The following LOXL3 variants were observed in gnomAD, a reference collection of about 807,000 sequenced individuals.
LOXL3 encodes lysyl oxidase like 3.
Under a neutral mutation model 91.8 loss-of-function variants are expected in LOXL3, and 60 were observed. The ratio of observed to expected loss-of-function variants is 0.65; its 90% CI spans 0.53 to 0.81. The LOEUF is 0.81. Ranked by LOEUF, LOXL3 falls within the 30% of genes least tolerant of loss-of-function variation. LOXL3 has a pLI of 0.00. For synonymous variants in LOXL3, 355 were observed against 387.6 expected, an observed-to-expected ratio of 0.92 and a Z score of 0.99; for missense variants, 874 against 1,000.4, an observed-to-expected ratio of 0.87 and a Z score of 1.70.
intron 4 of LOXL3, among the ~76,000 whole-genome samples, chr2:74,548,033 C>T (rs1018914603): frequency 4.6e-5 from 7 of 152,212 alleles, no homozygotes; most frequent in African/African-American, 1.7e-4. Flanking sequence ...GTGGAAGGAA[C>T]ATATTTTACA....
chr2:74,541,434 G>A (rs1023108142), intron 4 of LOXL3, among the ~76,000 whole-genome samples: 8 of 152,188 alleles, frequency 5.3e-5, no homozygotes, highest in African/African-American at 1.9e-4. Flanking sequence ...TCTTCCTGAG[G>A]ATGTACTTAG....
intron 4 of LOXL3, among the ~76,000 whole-genome samples, chr2:74,542,314 C>G (rs919062269): frequency 3.3e-5 from 5 of 152,040 alleles, no homozygotes; most frequent in African/African-American, 2.4e-5. Context: ...ATCAAACAAA[C>G]AAACAAACAA....
In LOXL3 at chr2:74,534,363, T is replaced by A; in HGVS notation, c.1892A>T (p.Glu631Val). The change falls in exon 11 of 14, where the codon GAG (glutamate) becomes GTG (valine). Residue 631 changes from glutamate (E) to valine (V), a missense_variant. Glu to Val is a moderately radical substitution (Grantham distance 121). Transcript: ENST00000264094. Reference sequence around the variant, plus strand: ...GAGACAGAAACTAGCTTTGTGGCCCTCAGCCACCTTGGTGCCATTTGGGGT... The same window carrying A: ...GAGACAGAAACTAGCTTTGTGGCCCACAGCCACCTTGGTGCCATTTGGGGT... ...ILTPNGTKVA[E>V]GHKASFCLED... 6.2e-7 allele frequency: 1 copy of A among 1,614,264 alleles called. No homozygotes were observed. The highest frequency in any genetic ancestry group is 8.5e-7 in the Non-Finnish European group (1 of 1,180,032).
upstream of LOXL3, chr2:74,554,866 G>A (rs1192503071): frequency 1.2e-6 from 2 of 1,607,968 alleles, no homozygotes; most frequent in East Asian, 2.2e-5. This position sits in a 1 kb window ranked among gnomAD's most constrained non-coding sequence, Gnocchi z 4.9. Flanking sequence ...GTGGGTGAGA[G>A]AGCCCAGAAA....
rs552654059 is a variant in LOXL3 at position 74,536,451 on chromosome 2, G to T, written c.933C>A (p.Gly311=). Residue 311 remains glycine, a synonymous_variant, in exon 6 of 14, where the codon GGC becomes GGA. Transcript: ENST00000264094. The surrounding 1 kb of genome is among the most constrained non-coding windows in gnomAD (Gnocchi z 4.5). The part of the protein sequence containing the change: ...PQGEARVRLK[G]GAHPGEGRVE... ...CCCGGCCCTCTCCAGGGTGGGCGCC[G>T]CCCTTTAGACGGACACGGGCCTATA... 40 of 1,613,346 alleles carry T rather than the reference G, an allele frequency of 2.5e-5. No homozygotes were observed. The highest frequency in any genetic ancestry group is 3.4e-5 in the Non-Finnish European group (40 of 1,179,892).
chr2:74,549,786 T>C lies in LOXL3; in HGVS notation c.478-203A>G. Reference sequence around the variant, plus strand: ...CAGCAGCGCGTGGGATGTGCTGTGCTCCCAGAGAGGATTCAGGGCACTAGG... The same window carrying C: ...CAGCAGCGCGTGGGATGTGCTGTGCCCCCAGAGAGGATTCAGGGCACTAGG... On this transcript the variant is annotated intron_variant, in intron 3 of 13. Coordinates refer to ENST00000264094, the MANE Select transcript of LOXL3 (RefSeq NM_032603.5). The surrounding 1 kb of genome is among the most constrained non-coding windows in gnomAD (Gnocchi z 5.3). The C allele has an allele frequency of 2.1e-6, 3 of 1,418,974 alleles. No individual in the cohort carries two copies. The South Asian group carries it at 4.8e-5, about 23-fold the overall frequency. 87.9% of individuals were successfully genotyped at this position (1,418,974 alleles called of 1,614,324 possible). A position where few individuals can be genotyped will look rare whatever the true frequency, so the allele number is the denominator to read the frequency against.
At chr2:74,543,124 T>G (rs1455455865) in intron 4 of LOXL3, among the ~76,000 whole-genome samples, 3 of 152,218 alleles carry the variant, frequency 2.0e-5, no homozygotes, top group African/African-American at 7.2e-5. Flanking sequence ...TTATTATTAT[T>G]ATTAATTTCC....
Position 74,549,425 on chromosome 2 carries a change from C to G in LOXL3, c.636G>C (p.Val212=). 6.2e-7 allele frequency: 1 copy of G among 1,613,158 alleles called. No individual in the cohort carries two copies. The highest frequency in any genetic ancestry group is 1.3e-5 in the African/African-American group (1 of 75,056). The change falls in exon 4 of 14, where the codon GTG becomes GTC. Residue 212 remains valine, a synonymous_variant. Transcript: ENST00000264094. The surrounding 1 kb of genome is among the most constrained non-coding windows in gnomAD (Gnocchi z 5.3). ...TGGGGAAGCCCAGCATCCCGCAGAC[C>G]ACGTGGCTGTTGTGGGCGCTCCAGC... ...DKGWSAHNSH[V]VCGMLGFPSE...
At position 74,550,258 on chromosome 2, in the gene LOXL3, G is replaced by A. The variant is rs762811068; in HGVS notation, c.404C>T (p.Thr135Met). 24 of 1,614,038 alleles carry A rather than the reference G, an allele frequency of 1.5e-5. No homozygotes were observed. The highest frequency in any genetic ancestry group is 1.6e-4 in the Middle Eastern group (1 of 6,084). ...ASRGWGNSDC[T>M]HDEDAGVICK... ...GATGACCCCAGCATCCTCATCGTGC[G>A]TACAGTCACTGTTCCCCCAGCCCCG... is the stretch of plus-strand genomic sequence containing the variant. Residue 135 changes from threonine (T) to methionine (M), a missense_variant, in exon 3 of 14, where the codon ACG becomes ATG. Transcript: ENST00000264094.
upstream of LOXL3, chr2:74,554,828 T>C (rs10208552): frequency 0.019 from 29,932 of 1,613,752 alleles, 2,277 homozygotes; most frequent in African/African-American, 0.23. This position sits in a 1 kb window ranked among gnomAD's most constrained non-coding sequence, Gnocchi z 4.9. Flanking sequence ...GTCTGGCGCA[T>C]GGATGCCGAA....
At position 74,535,968 on chromosome 2, in the gene LOXL3, C is replaced by T. The variant is rs775936238; in HGVS notation, c.1248+28G>A. On this transcript the variant is annotated intron_variant, in intron 7 of 13. Coordinates refer to ENST00000264094, the MANE Select transcript of LOXL3 (RefSeq NM_032603.5). The surrounding 1 kb of genome is among the most constrained non-coding windows in gnomAD (Gnocchi z 4.2). ...CAGACCTGGATAGGATGAAAGAGAC[C>T]TCAACCAAGGTAGAGAGGATGACTG... The T allele has an allele frequency of 6.5e-7, 1 of 1,539,274 alleles. No homozygotes were observed. The highest frequency in any genetic ancestry group is 8.7e-7 in the Non-Finnish European group (1 of 1,148,544).
At chr2:74,541,209 A>G (rs1676307565) in intron 4 of LOXL3, among the ~76,000 whole-genome samples, 7 of 152,258 alleles carry the variant, frequency 4.6e-5, no homozygotes. Flanking sequence ...GATTTAAAGC[A>G]TACAGAGGAT....
chr2:74,542,581 C>T (rs1676385949), intron 4 of LOXL3, among the ~76,000 whole-genome samples: 2 of 151,726 alleles, frequency 1.3e-5, no homozygotes, highest in Non-Finnish European at 1.5e-5. Context: ...AGTAACATTT[C>T]TCAAGAGCTG....
chr2:74,534,925 C>T, intron 9 of LOXL3, 151 bp from the exon 10 acceptor site: 1 of 968,330 alleles, frequency 1.0e-6, no homozygotes, highest in Non-Finnish European at 1.5e-6. Context: ...GTTGCCGAGG[C>T]TGGAATGCAG....
Position 74,549,591 on chromosome 2 carries a change from C to T in LOXL3, c.478-8G>A, listed in dbSNP as rs1676861492. ...TTGCAGGTGATGCTCTACCTGGGGGCGGGGCCACAAGCAGGGAAAGAATCC... is the reference window on the plus strand; with the variant it reads ...TTGCAGGTGATGCTCTACCTGGGGGTGGGGCCACAAGCAGGGAAAGAATCC... On this transcript the variant is annotated splice_region_variant and splice_polypyrimidine_tract_variant and intron_variant, in intron 3 of 13. Coordinates refer to ENST00000264094, the MANE Select transcript of LOXL3 (RefSeq NM_032603.5). The surrounding 1 kb of genome is among the most constrained non-coding windows in gnomAD (Gnocchi z 5.3). 8.1e-6 allele frequency: 13 copies of T among 1,598,192 alleles called. No homozygotes were observed. Among genetic ancestry groups the T allele is most frequent in the Non-Finnish European group, 1.1e-5 (13 of 1,168,972 alleles).
In LOXL3 at chr2:74,532,349, C is replaced by T; in HGVS notation, c.*1257G>A. 2.0e-6 allele frequency: 1 copy of T among 501,036 alleles called. No individual in the cohort carries two copies. The highest frequency in any genetic ancestry group is 3.9e-5 in the East Asian group (1 of 25,686). The allele number at this position is 501,036 out of a possible 1,614,324, so 31.0% of individuals were successfully genotyped here. ...TTTAGGCTCAACTTAAGTTCTTTCC[C>T]CTTAAAGCTTCTCTTAGTATTCTAG... On this transcript the variant is annotated 3_prime_UTR_variant, in exon 14 of 14. Transcript: ENST00000264094.
intron 4 of LOXL3, among the ~76,000 whole-genome samples, chr2:74,548,022 G>T (rs1676708892): frequency 1.3e-5 from 2 of 152,194 alleles, no homozygotes; most frequent in South Asian, 4.1e-4. Context: ...CTTCCCAGTT[G>T]GTGGAAGGAA....
upstream of LOXL3, chr2:74,554,687 C>CCCGGCCCCGCCT: frequency 6.5e-7 from 1 of 1,545,648 alleles, no homozygotes; most frequent in South Asian, 1.2e-5. The surrounding 1 kb of genome is among the most constrained non-coding windows in gnomAD (Gnocchi z 4.9). Flanking sequence ...CTCCAGGGAA[C>CCCGGCCCCGCCT]CCGGCCCCGC....
chr2:74,542,428 T>C (rs936445716), intron 4 of LOXL3, among the ~76,000 whole-genome samples: 2 of 152,186 alleles, frequency 1.3e-5, no homozygotes, highest in African/African-American at 4.8e-5. Flanking sequence ...TAAATGTTTC[T>C]AAATTCCATC....
Sources: gnomAD v4.1 joint callset for allele counts (sites outside exome capture counted in the v4.1 genomes callset) on GRCh38, gnomAD v4.1.1 for gene constraint, Gnocchi (gnomAD v3.1) non-coding constraint, MANE v1.5 for transcripts, NCBI Gene and HGNC (gene_info 2026-07-23, HGNC 2026-07-21) for gene names.